The following KCNK7 variants were observed in gnomAD, a reference collection of about 807,000 sequenced individuals.
KCNK7 encodes the protein potassium channel subfamily K member 7.
In KCNK7, 14 loss-of-function variants were observed where a neutral mutation model predicts 18.1. The observed-to-expected ratio is 0.77, with a 90% CI of 0.51 to 1.21. KCNK7 has a LOEUF of 1.21. Ranked by LOEUF, KCNK7 falls within the 50% of genes most tolerant of loss-of-function variation. The pLI, the probability that KCNK7 is intolerant of heterozygous loss-of-function variation, is 0.00. For missense variants in KCNK7, 385 were observed against 387.3 expected (o/e 0.99, Z 0.05); for synonymous variants, 188 against 184.7 (o/e 1.02, Z -0.15).
chr11:65,593,426 C>T (rs1858469691), intron 2 of KCNK7, 50 bp downstream of exon 2: 1 of 1,613,694 alleles, frequency 6.2e-7, no homozygotes, highest in African/African-American at 1.3e-5. Flanking sequence ...AGTCCTAGTC[C>T]AGGCTCCTCT....
At position 65,593,809 on chromosome 11, in the gene KCNK7, C is replaced by G; in HGVS notation, c.385G>C (p.Gly129Arg). The change falls in exon 2 of 3, where the codon GGG becomes CGG. Residue 129 changes from glycine to arginine, a missense_variant. Physicochemically the swap from Gly to Arg is moderately radical, Grantham distance 125. Coordinates refer to ENST00000340313, the MANE Select transcript of KCNK7 (RefSeq NM_033347.2). The stretch of plus-strand genomic sequence containing the variant: ...ACGAGAGCTAAGGAGGCTGGCAGCC[C>G]CAGGGCTGCATAGACCATGCAGAAG... ...KAFCMVYAAL[G>R]LPASLALVAT... 1 of 1,603,050 alleles carries G rather than the reference C, an allele frequency of 6.2e-7. No individual in the cohort carries two copies. The highest frequency in any genetic ancestry group is 1.3e-5 in the African/African-American group (1 of 74,864).
At position 65,593,471 on chromosome 11, in the gene KCNK7, C is replaced by T. The variant is rs1336183007; in HGVS notation, c.718+5G>A. 5 of 1,613,624 alleles carry T rather than the reference C, an allele frequency of 3.1e-6. No individual in the cohort carries two copies. The African/African-American group carries it at 5.3e-5, about 17-fold the overall frequency. ...CCCCACACGCTGTTAGGTGGCTGGACTTACCAAGAAGTGCGAGCTGGCCCA... is the reference window on the plus strand; with the variant it reads ...CCCCACACGCTGTTAGGTGGCTGGATTTACCAAGAAGTGCGAGCTGGCCCA... On this transcript the variant is annotated splice_donor_5th_base_variant and intron_variant, in intron 2 of 2. Coordinates refer to ENST00000340313, the MANE Select transcript of KCNK7 (RefSeq NM_033347.2).
In KCNK7 at chr11:65,593,513, G is replaced by A; in HGVS notation, c.681C>T (p.His227=). The change falls in exon 2 of 3, where the codon CAC becomes CAT. Residue 227 remains histidine (H), a synonymous_variant. Transcript: ENST00000340313. ...DLLPGRGRSL[H]PVIYHLGQLA... is the part of the protein sequence containing the mutation. Reference sequence around the variant, plus strand: ...GCTGGCCCAGGTGGTAAATCACGGGGTGCAGGCTGCGGCCGCGGCCGGGCA... The same window carrying A: ...GCTGGCCCAGGTGGTAAATCACGGGATGCAGGCTGCGGCCGCGGCCGGGCA... 6.2e-7 allele frequency: 1 copy of A among 1,613,136 alleles called. No individual in the cohort carries two copies. The highest frequency in any genetic ancestry group is 8.5e-7 in the Non-Finnish European group (1 of 1,179,958).
chr11:65,595,764 A>AC lies in KCNK7; in HGVS notation c.8dup (p.Leu4SerfsTer39), dbSNP rs753319213. ...GCCCGTATCGGGACCAGGGCCTTAG[A>AC]CCCCCCATGGCAGGCCGCTGGGGTG... On this transcript the variant is annotated frameshift_variant, in exon 1 of 3. Transcript: ENST00000340313. LOFTEE classifies it high-confidence loss of function. 63 of 1,530,032 alleles carry AC rather than the reference A, an allele frequency of 4.1e-5. No individual in the cohort carries two copies. Among genetic ancestry groups the AC allele is most frequent in the Middle Eastern group, 2.0e-4 (1 of 4,980 alleles). The allele number at this position is 1,530,032 out of a possible 1,614,324, so 94.8% of individuals were successfully genotyped here.
At position 65,595,795 on chromosome 11, in the gene KCNK7, G is replaced by A. The variant is rs1248158015; in HGVS notation, c.-23C>T. On this transcript the variant is annotated 5_prime_UTR_variant, in exon 1 of 3. Transcript: ENST00000340313. ...CATGGCAGGCCGCTGGGGTGCTGTGGGAACTGGCGGCTCCACCTCAGGCAC... is the reference window on the plus strand; with the variant it reads ...CATGGCAGGCCGCTGGGGTGCTGTGAGAACTGGCGGCTCCACCTCAGGCAC... 4 of 1,453,558 alleles carry A rather than the reference G, an allele frequency of 2.8e-6. No homozygotes were observed. The highest frequency in any genetic ancestry group is 3.7e-6 in the Non-Finnish European group (4 of 1,090,850). 90.0% of individuals were successfully genotyped at this position (1,453,558 alleles called of 1,614,324 possible).
At position 65,593,070 on chromosome 11, in the gene KCNK7, C is replaced by T; in HGVS notation, c.859G>A (p.Asp287Asn). The T allele has an allele frequency of 6.2e-7, 1 of 1,613,510 alleles. No individual in the cohort carries two copies. The highest frequency in any genetic ancestry group is 8.5e-7 in the Non-Finnish European group (1 of 1,179,918). ...GGCAGGGTGCTCAGAGCCAGTTCAT[C>T]CTGCCCTAGGATGCCACCTTGGTCC... ...AEDQGGILGQ[D>N]ELALSTLPPA... Residue 287 changes from aspartate (D) to asparagine (N), a missense_variant, in exon 3 of 3, where the codon GAT (aspartate) becomes AAT (asparagine). Physicochemically the swap from Asp to Asn is conservative, Grantham distance 23 (BLOSUM62 1). Coordinates refer to ENST00000340313, the MANE Select transcript of KCNK7 (RefSeq NM_033347.2).
At chr11:65,595,197 C>T (rs1854327539) in intron 1 of KCNK7, among the ~76,000 whole-genome samples, 1 of 152,230 alleles carries the variant, frequency 6.6e-6, no homozygotes, top group African/African-American at 2.4e-5. Flanking sequence ...CAGGCTGTGG[C>T]ATCTGGGCAG....
Position 65,595,372 on chromosome 11 carries a change from GGGCTGCA to G in KCNK7, c.319+75_319+81del, listed in dbSNP as rs999903514. On this transcript the variant is annotated intron_variant, in intron 1 of 2. Coordinates refer to ENST00000340313, the MANE Select transcript of KCNK7 (RefSeq NM_033347.2). ...ATCTGGCTCTTTGGGGCTGAAGGAA[GGGCTGCA>G]TGAACCCCAAAGCCCCCAGGGAGCC... The G allele has an allele frequency of 1.5e-5, 18 of 1,232,520 alleles. No individual in the cohort carries two copies. The African/African-American group carries it at 2.6e-4, about 18-fold the overall frequency. 76.3% of individuals were successfully genotyped at this position (1,232,520 alleles called of 1,614,324 possible). A position where few individuals can be genotyped will look rare whatever the true frequency, so the allele number is the denominator to read the frequency against.
rs369191636 is a variant in KCNK7 at position 65,593,076 on chromosome 11, C to T, written c.853G>A (p.Gly285Arg). The T allele has an allele frequency of 1.4e-5, 22 of 1,613,634 alleles. No individual in the cohort carries two copies. Among genetic ancestry groups the T allele is most frequent in the African/African-American group, 8.0e-5 (6 of 74,962 alleles). The change falls in exon 3 of 3, where the codon GGG (glycine) becomes AGG (arginine). Residue 285 changes from glycine (G) to arginine (R), a missense_variant. Gly to Arg is a moderately radical substitution (Grantham distance 125, BLOSUM62 -2). Transcript: ENST00000340313. Reference sequence around the variant, plus strand: ...GTGCTCAGAGCCAGTTCATCCTGCCCTAGGATGCCACCTTGGTCCTCAGCA... The same window carrying T: ...GTGCTCAGAGCCAGTTCATCCTGCCTTAGGATGCCACCTTGGTCCTCAGCA... ...VTAEDQGGIL[G>R]QDELALSTLP...
Position 65,593,636 on chromosome 11 carries a change from T to C in KCNK7, c.558A>G (p.Pro186=). The C allele has an allele frequency of 6.2e-7, 1 of 1,604,770 alleles. No individual in the cohort carries two copies. Among genetic ancestry groups the C allele is most frequent in the Non-Finnish European group, 8.5e-7 (1 of 1,179,372 alleles). The change falls in exon 2 of 3, where the codon CCA becomes CCG. Residue 186 remains proline (P), a synonymous_variant. Coordinates refer to ENST00000340313, the MANE Select transcript of KCNK7 (RefSeq NM_033347.2). ...LLVASSFVLL[P]ALVLWGLQGD... ...CCTGAAGGCCCCACAGCACCAGCGC[T>C]GGCAGCAGCACAAAGCTGCTGGCCA... is the stretch of plus-strand genomic sequence containing the variant.
In KCNK7 at chr11:65,593,882, A is replaced by G; in HGVS notation, c.320-8T>C. On this transcript the variant is annotated splice_polypyrimidine_tract_variant and splice_region_variant and intron_variant, in intron 1 of 2. Coordinates refer to ENST00000340313, the MANE Select transcript of KCNK7 (RefSeq NM_033347.2). ...GGGCCATGTGGCCATAACCTGGAGA[A>G]GAGAGAGTCAGTGGACAGTGAGAGC... 6.6e-7 allele frequency: 1 copy of G among 1,519,378 alleles called. No homozygotes were observed. Among genetic ancestry groups the G allele is most frequent in the Non-Finnish European group, 8.8e-7 (1 of 1,135,422 alleles). The allele number at this position is 1,519,378 out of a possible 1,614,324, so 94.1% of individuals were successfully genotyped here.
chr11:65,592,901 C>T lies in KCNK7; in HGVS notation c.*104G>A, dbSNP rs1056627847. 26 of 1,384,250 alleles carry T rather than the reference C, an allele frequency of 1.9e-5. No homozygotes were observed. The African/African-American group carries it at 3.5e-4, about 18-fold the overall frequency. 85.7% of individuals were successfully genotyped at this position (1,384,250 alleles called of 1,614,324 possible). On this transcript the variant is annotated 3_prime_UTR_variant, in exon 3 of 3. Transcript: ENST00000340313. ...ACAGTATCCTCTGAGGCCTCCCGCC[C>T]ACCCTCACCGCGGCTCCATCTCCAG...
In KCNK7 at chr11:65,593,037, C is replaced by T. The variant is rs1242005113; in HGVS notation, c.892G>A (p.Ala298Thr). 6.2e-7 allele frequency: 1 copy of T among 1,613,376 alleles called. No individual in the cohort carries two copies. Among genetic ancestry groups the T allele is most frequent in the South Asian group, 1.1e-5 (1 of 91,052 alleles). ...GCAGGGGCTTGTCCTGAAGCTGGGG[C>T]CGCGGGCGGCAGGGTGCTCAGAGCC... ...ELALSTLPPA[A>T]PASGQAPAC Residue 298 changes from alanine (A) to threonine (T), a missense_variant, in exon 3 of 3, where the codon GCC (alanine) becomes ACC (threonine). Ala to Thr is a moderately conservative substitution (Grantham distance 58). Transcript: ENST00000340313.
In KCNK7 at chr11:65,595,727, C is replaced by T. The variant is rs779076150; in HGVS notation, c.46G>A (p.Ala16Thr). Reference sequence around the variant, plus strand: ...CCAAGCCCCAGGGCCAGCAAGTGGGCCACAACCAGGAGCCCGTATCGGGAC... The same window carrying T: ...CCAAGCCCCAGGGCCAGCAAGTGGGTCACAACCAGGAGCCCGTATCGGGAC... ...PWSRYGLLVV[A>T]HLLALGLGAV... The change falls in exon 1 of 3, where the codon GCC becomes ACC. Residue 16 changes from alanine to threonine, a missense_variant. Physicochemically the swap from Ala to Thr is moderately conservative, Grantham distance 58. Transcript: ENST00000340313. 1.9e-6 allele frequency: 3 copies of T among 1,583,724 alleles called. No homozygotes were observed. The highest frequency in any genetic ancestry group is 2.6e-6 in the Non-Finnish European group (3 of 1,160,836).
chr11:65,593,842 C>T lies in KCNK7; in HGVS notation c.352G>A (p.Gly118Arg), dbSNP rs779357195. Residue 118 changes from glycine (G) to arginine (R), a missense_variant, in exon 2 of 3, where the codon GGA (glycine) becomes AGA (arginine). By Grantham distance (125) the Gly-to-Arg change is moderately radical (BLOSUM62 -2). Transcript: ENST00000340313. ...YGHMAPLSPGGKAFCMVYAAL... is the reference protein window; with the variant it reads ...YGHMAPLSPGRKAFCMVYAAL... ...GCATAGACCATGCAGAAGGCCTTTCCGCCTGGCGATAGTGGGGCCATGTGG... is the reference window on the plus strand; with the variant it reads ...GCATAGACCATGCAGAAGGCCTTTCTGCCTGGCGATAGTGGGGCCATGTGG... The T allele has an allele frequency of 2.3e-5, 36 of 1,549,988 alleles. No individual in the cohort carries two copies. In the Admixed American group the frequency reaches 3.7e-4, roughly 16 times the overall value.
chr11:65,595,018 C>T (rs1343377499), intron 1 of KCNK7, among the ~76,000 whole-genome samples: 1 of 152,212 alleles, frequency 6.6e-6, no homozygotes, highest in Non-Finnish European at 1.5e-5. Flanking sequence ...AGGACTCCCT[C>T]ATCCCTGTCT....
rs1044144586 is a variant in KCNK7, at chr11:65,592,912, C to G, written c.*93G>C. ...TGAGGCCTCCCGCCCACCCTCACCG[C>G]GGCTCCATCTCCAGATTCTTCCCCA... On this transcript the variant is annotated 3_prime_UTR_variant, in exon 3 of 3. Coordinates refer to ENST00000340313, the MANE Select transcript of KCNK7 (RefSeq NM_033347.2). 8.3e-6 allele frequency: 12 copies of G among 1,448,252 alleles called. No individual in the cohort carries two copies. Among genetic ancestry groups the G allele is most frequent in the Non-Finnish European group, 1.0e-5 (11 of 1,083,674 alleles). The allele number at this position is 1,448,252 out of a possible 1,614,324, so 89.7% of individuals were successfully genotyped here.
In KCNK7 at chr11:65,594,088, A is replaced by G. The variant is rs11227232; in HGVS notation, c.320-214T>C. Among the ~76,000 whole-genome samples, 9 of 152,378 alleles carry G rather than the reference A, an allele frequency of 5.9e-5. No homozygotes were observed. In the East Asian group the frequency reaches 1.7e-3, roughly 29 times the overall value. On this transcript the variant is annotated intron_variant, in intron 1 of 2. Transcript: ENST00000340313. ...CTTTTTTGGAAAATGAAAGGATGAAAGAAGACAGTTCCTCAGGCCTTTTGT... is the reference window on the plus strand; with the variant it reads ...CTTTTTTGGAAAATGAAAGGATGAAGGAAGACAGTTCCTCAGGCCTTTTGT...
chr11:65,593,822 G>C lies in KCNK7; in HGVS notation c.372C>G (p.Val124=). The change falls in exon 2 of 3, where the codon GTC becomes GTG. Residue 124 remains valine, a synonymous_variant. Transcript: ENST00000340313. ...AGGCTGGCAGCCCCAGGGCTGCATAGACCATGCAGAAGGCCTTTCCGCCTG... is the reference window on the plus strand; with the variant it reads ...AGGCTGGCAGCCCCAGGGCTGCATACACCATGCAGAAGGCCTTTCCGCCTG... ...LSPGGKAFCM[V]YAALGLPASL... is the part of the protein sequence containing the mutation. 6.3e-7 allele frequency: 1 copy of C among 1,576,124 alleles called. No individual in the cohort carries two copies. Among genetic ancestry groups the C allele is most frequent in the Non-Finnish European group, 8.6e-7 (1 of 1,160,176 alleles).
Sources: allele counts gnomAD v4.1 joint callset (sites outside exome capture counted in the v4.1 genomes callset), GRCh38; gene constraint gnomAD v4.1.1; transcripts MANE v1.5; gene names NCBI Gene and HGNC (gene_info 2026-07-23, HGNC 2026-07-21).